EPG5: variants seen among roughly 807,000 people sequenced by gnomAD.
EPG5 encodes ectopic P-granules 5 autophagy tethering factor.
Under a neutral mutation model 302.7 loss-of-function variants are expected in EPG5, and 159 were observed. The observed-to-expected ratio is 0.53, with a 90% CI of 0.46 to 0.60. The LOEUF (loss-of-function observed/expected upper bound fraction) is 0.60, where lower values mean the gene tolerates loss of function less well. EPG5 is among the 20% of genes least tolerant of loss of function. EPG5 has a pLI of 0.00. For missense variants in EPG5, 2,896 were observed against 3,092.4 expected, an observed-to-expected ratio of 0.94 and a Z score of 1.51; for synonymous variants, 1,158 against 1,136.8, an observed-to-expected ratio of 1.02 and a Z score of -0.37.
At chr18:45,913,895 T>C (rs1443316781) in intron 20 of EPG5, 67 bp from the exon 21 acceptor site, 3 of 1,565,582 alleles carry the variant, frequency 1.9e-6, no homozygotes, top group African/African-American at 2.7e-5. Flanking sequence ...TACATCCTGA[T>C]ATTCCACAAT....
intron 32 of EPG5, 40 bp from the exon 33 acceptor site, chr18:45,879,254 G>C: frequency 7.0e-7 from 1 of 1,424,100 alleles, no homozygotes; most frequent in Non-Finnish European, 9.7e-7. Context: ...TACTAAATAT[G>C]TATTTTAGTA....
At chr18:45,913,984 A>G (rs2049971110) in intron 20 of EPG5, among the ~76,000 whole-genome samples, 156 bp from the exon 21 acceptor site, 1 of 152,224 alleles carries the variant, frequency 6.6e-6, no homozygotes, top group Non-Finnish European at 1.5e-5. Flanking sequence ...ACCTACCTAT[A>G]TCCTTGTCGC....
rs367764887 is a variant in EPG5, at chr18:45,867,858, GA to G, written c.6226-111del. On this transcript the variant is annotated intron_variant, in intron 36 of 43. Transcript: ENST00000282041. Reference sequence around the variant, plus strand: ...GTTTTTAAAAAACACTTTTTCCCCAGATTATATCACTTAGAATCCCACCTCC... The same window carrying G: ...GTTTTTAAAAAACACTTTTTCCCCAGTTATATCACTTAGAATCCCACCTCC... 8.8e-5 allele frequency: 81 copies of G among 923,142 alleles called. No homozygotes were observed. The East Asian group carries it at 1.8e-3, about 20-fold the overall frequency. The allele number at this position is 923,142 out of a possible 1,614,324, so 57.2% of individuals were successfully genotyped here.
chr18:45,840,243 T>TA, the EPG5 span: 1 of 1,611,820 alleles, frequency 6.2e-7, no homozygotes, highest in Non-Finnish European at 8.5e-7. Context: ...CCCACCACGG[T>TA]AAGTGAGCTC....
At position 45,954,755 on chromosome 18, in the gene EPG5, TAC is replaced by T; in HGVS notation, c.645_646del (p.Tyr216SerfsTer6). Reference sequence around the variant, plus strand: ...AGCAATTTCAGCTGGCAACTGGGGATACAGTTTCTTCACTCTAGGTGTCTGAA... The same window carrying T: ...AGCAATTTCAGCTGGCAACTGGGGATAGTTTCTTCACTCTAGGTGTCTGAA... On this transcript the variant is annotated frameshift_variant, in exon 2 of 44. Coordinates refer to ENST00000282041, the MANE Select transcript of EPG5 (RefSeq NM_020964.3). LOFTEE classifies it high-confidence loss of function. The T allele has an allele frequency of 1.2e-6, 2 of 1,613,946 alleles. No homozygotes were observed. The highest frequency in any genetic ancestry group is 1.7e-6 in the Non-Finnish European group (2 of 1,179,958).
At position 45,899,549 on chromosome 18, in the gene EPG5, T is replaced by A. The variant is rs1406529418; in HGVS notation, c.4664A>T (p.Glu1555Val). Reference protein sequence around the residue: ...QQQARTAALRESQQVALDGEL... With the variant: ...QQQARTAALRVSQQVALDGEL... The stretch of plus-strand genomic sequence containing the variant: ...ACCATCCAGAGCAACCTGCTGAGAT[T>A]CCCGAAGAGCTGCGGTTCTGAAAAA... The change falls in exon 27 of 44, where the codon GAA (glutamate) becomes GTA (valine). Residue 1555 changes from glutamate (E) to valine (V), a missense_variant. Glu to Val is a moderately radical substitution (Grantham distance 121). This residue lies in a region of EPG5 where 790 missense variants were observed against 798.0 expected (regional missense o/e 0.99). Coordinates refer to ENST00000282041, the MANE Select transcript of EPG5 (RefSeq NM_020964.3). 1.2e-6 allele frequency: 2 copies of A among 1,614,102 alleles called. No homozygotes were observed. Among genetic ancestry groups the A allele is most frequent in the Admixed American group, 3.3e-5 (2 of 60,010 alleles).
downstream of EPG5, chr18:45,844,028 G>C (rs2048346216): frequency 6.6e-6 from 1 of 151,908 alleles, no homozygotes; most frequent in African/African-American, 2.4e-5. Flanking sequence ...ATCAGCCTAA[G>C]TGTCCATCCA....
the EPG5 span, chr18:45,837,464 C>A: frequency 3.5e-6 from 5 of 1,424,348 alleles, no homozygotes; most frequent in Non-Finnish European, 4.5e-6. Context: ...CGGGTGCGGG[C>A]GCCTCGACCC....
intron 42 of EPG5, among the ~76,000 whole-genome samples, chr18:45,856,805 T>C (rs1178919852): frequency 6.6e-6 from 1 of 152,236 alleles, no homozygotes; most frequent in East Asian, 1.9e-4. Context: ...TAAGTAAGTA[T>C]TATGAGAGAA....
chr18:45,878,347 G>C (rs183210353), intron 34 of EPG5, 29 bp downstream of exon 34: 2 of 1,467,928 alleles, frequency 1.4e-6, no homozygotes, highest in African/African-American at 1.4e-5. Flanking sequence ...AAACGTCAAA[G>C]GAATTTGAAT....
the EPG5 span, among the ~76,000 whole-genome samples, chr18:45,830,618 C>T: frequency 8.5e-6 from 1 of 118,202 alleles, no homozygotes; most frequent in East Asian, 3.0e-4. Flanking sequence ...CGGAGTCTCG[C>T]TCTGTCACCC....
the EPG5 span, among the ~76,000 whole-genome samples, chr18:45,835,237 G>T: frequency 6.6e-6 from 1 of 152,178 alleles, no homozygotes; most frequent in African/African-American, 2.4e-5. Context: ...AGATAAGCAA[G>T]TAAGAGACCC....
At chr18:45,939,140 CA>C (rs1047965376) in intron 10 of EPG5, among the ~76,000 whole-genome samples, 1 of 152,198 alleles carries the variant, frequency 6.6e-6, no homozygotes, top group Non-Finnish European at 1.5e-5. Flanking sequence ...ACAGCATTTA[CA>C]AAGCTAAGAC....
intron 35 of EPG5, among the ~76,000 whole-genome samples, chr18:45,872,702 T>C (rs1003411456): frequency 2.0e-5 from 3 of 151,620 alleles, no homozygotes; most frequent in Non-Finnish European, 2.9e-5. Flanking sequence ...AGACTCCTTG[T>C]CCAAAAAAAA....
the EPG5 span, among the ~76,000 whole-genome samples, chr18:45,809,570 C>T: frequency 3.3e-5 from 5 of 152,112 alleles, no homozygotes; most frequent in African/African-American, 4.8e-5. Context: ...CAAAAGGAAC[C>T]TTCAAAACCA....
chr18:45,956,821 A>G (rs754023045), intron 1 of EPG5, among the ~76,000 whole-genome samples: 62 of 152,084 alleles, frequency 4.1e-4, no homozygotes, highest in Admixed American at 1.2e-3. Flanking sequence ...TGAAGAGTAC[A>G]TGGGAAGTCT....
intron 1 of EPG5, among the ~76,000 whole-genome samples, chr18:45,956,351 C>T (rs746960349): frequency 6.6e-6 from 1 of 152,056 alleles, no homozygotes. Context: ...AAGTGTATTG[C>T]GGGACCTGGA....
In EPG5 at chr18:45,865,758, T is replaced by C. The variant is rs1177226409; in HGVS notation, c.6623A>G (p.Asp2208Gly). 1.0e-5 allele frequency: 16 copies of C among 1,529,062 alleles called. No homozygotes were observed. Among genetic ancestry groups the C allele is most frequent in the Middle Eastern group, 2.2e-4 (1 of 4,574 alleles). 94.7% of individuals were successfully genotyped at this position (1,529,062 alleles called of 1,614,324 possible). The change falls in exon 39 of 44, where the codon GAT (aspartate) becomes GGT (glycine). Residue 2208 changes from aspartate to glycine, a missense_variant and splice_region_variant. Physicochemically the swap from Asp to Gly is moderately conservative, Grantham distance 94. Coordinates refer to ENST00000282041, the MANE Select transcript of EPG5 (RefSeq NM_020964.3). ...SIPTDSQKHL[D>G]AVPKCQAFTH... ...AAAAGCTTGGCATTTTGGAACTGCA[T>C]CCTGACCAAAAAAAAAAAAAAAAAT...
At chr18:45,828,208 G>A in the EPG5 span, among the ~76,000 whole-genome samples, 12 of 152,320 alleles carry the variant, frequency 7.9e-5, no homozygotes, top group East Asian at 7.7e-4. Context: ...ACGCAGGCCC[G>A]CCAGTCGTGG....
Sources: allele counts gnomAD v4.1 joint callset (sites outside exome capture counted in the v4.1 genomes callset), GRCh38; gene constraint gnomAD v4.1.1; regional missense constraint gnomAD v4.1.1; transcripts MANE v1.5; gene names NCBI Gene and HGNC (gene_info 2026-07-23, HGNC 2026-07-21).